Variants in IL10RB observed in about 807,000 individuals in gnomAD.
IL10RB encodes interleukin-10 receptor subunit beta.
Under a neutral mutation model 38.7 loss-of-function variants are expected in IL10RB, and 30 were observed. That is an observed-to-expected ratio of 0.78 (90% CI 0.58 to 1.05). The LOEUF (loss-of-function observed/expected upper bound fraction) is 1.05, where lower values mean the gene tolerates loss of function less well. Among genes scored for constraint, IL10RB ranks in the 50% least tolerant of loss-of-function variants. IL10RB has a pLI of 0.00. For synonymous variants in IL10RB, 142 were observed against 145.9 expected, an observed-to-expected ratio of 0.97 and a Z score of 0.19; for missense variants, 328 against 397.1, an observed-to-expected ratio of 0.83 and a Z score of 1.48.
At chr21:33,270,005 T>C (rs190015888) in intron 2 of IL10RB, among the ~76,000 whole-genome samples, 1 of 152,286 alleles carries the variant, frequency 6.6e-6, no homozygotes, top group East Asian at 1.9e-4. Flanking sequence ...CCTTCCTCTC[T>C]CTCTCTCATG....
chr21:33,272,741 G>A (rs987943522), intron 2 of IL10RB, among the ~76,000 whole-genome samples: 5 of 152,150 alleles, frequency 3.3e-5, no homozygotes, highest in African/African-American at 4.8e-5. Context: ...CCACTGAGCC[G>A]GGCCAGCTCC....
Position 33,288,166 on chromosome 21 carries a change from G to C in IL10RB, c.709G>C (p.Ala237Pro). The change falls in exon 6 of 7, where the codon GCA (alanine) becomes CCA (proline). Residue 237 changes from alanine (A) to proline (P), a missense_variant. Physicochemically the swap from Ala to Pro is conservative, Grantham distance 27. Coordinates refer to ENST00000290200, the MANE Select transcript of IL10RB (RefSeq NM_000628.5). Reference protein sequence around the residue: ...LMASVFMVCLALLGCFALLWC... With the variant: ...LMASVFMVCLPLLGCFALLWC... ...GGCCTCGGTCTTCATGGTCTGCCTG[G>C]CACTCCTCGGCTGCTTCGCCTTGCT... The C allele has an allele frequency of 6.2e-7, 1 of 1,614,062 alleles. No homozygotes were observed. The highest frequency in any genetic ancestry group is 8.5e-7 in the Non-Finnish European group (1 of 1,179,956).
chr21:33,292,599 G>A (rs8178549), intron 6 of IL10RB, among the ~76,000 whole-genome samples: 3,115 of 152,196 alleles, frequency 0.02, 120 homozygotes, highest in African/African-American at 0.072. Flanking sequence ...CGCGTCCCTC[G>A]TCAGAAGCTC....
At chr21:33,267,157 C>T (rs957928228) in intron 1 of IL10RB, among the ~76,000 whole-genome samples, 10 of 152,168 alleles carry the variant, frequency 6.6e-5, no homozygotes, top group Admixed American at 6.5e-5. Context: ...TCACCTCCTT[C>T]CTTTCTCATG....
chr21:33,300,669 T>C (rs552587085), downstream of IL10RB, among the ~76,000 whole-genome samples: 1 of 152,306 alleles, frequency 6.6e-6, no homozygotes, highest in South Asian at 2.1e-4. Context: ...TGTAGAAATC[T>C]TTAGGAGGTG....
intron 1 of IL10RB, among the ~76,000 whole-genome samples, chr21:33,304,519 GTTCT>G (rs2082993954): frequency 6.6e-6 from 1 of 152,150 alleles, no homozygotes; most frequent in African/African-American, 2.4e-5. Context: ...TTTTCTTCTG[GTTCT>G]TTCTTCAGCA....
In IL10RB at chr21:33,288,218, ACG is replaced by A; in HGVS notation, c.763_764del (p.Ala255LeufsTer4). ...TGGTGCGTTTACAAGAAGACAAAGT[ACG>A]CCTTCTCCCCTAGGAATTCTCTTCC... On this transcript the variant is annotated frameshift_variant, in exon 6 of 7. Coordinates refer to ENST00000290200, the MANE Select transcript of IL10RB (RefSeq NM_000628.5). LOFTEE classifies it high-confidence loss of function. The A allele has an allele frequency of 6.2e-7, 1 of 1,613,994 alleles. No individual in the cohort carries two copies. The highest frequency in any genetic ancestry group is 8.5e-7 in the Non-Finnish European group (1 of 1,179,912).
intron 2 of IL10RB, among the ~76,000 whole-genome samples, chr21:33,271,325 GT>G (rs1466797173): frequency 6.6e-6 from 1 of 152,144 alleles, no homozygotes; most frequent in Non-Finnish European, 1.5e-5. Flanking sequence ...TTCAGAGGAT[GT>G]ACTGGTGATT....
intron 2 of IL10RB, among the ~76,000 whole-genome samples, chr21:33,275,150 T>C (rs907375593): frequency 6.9e-6 from 1 of 144,380 alleles, no homozygotes; most frequent in African/African-American, 2.6e-5. Context: ...CTTCCAACTT[T>C]TCTTTTTTTT....
Position 33,279,784 on chromosome 21 carries a change from G to A in IL10RB, c.364G>A (p.Val122Ile). ...TGGACCCCCTGGAATGCAAGTAGAA[G>A]TACTTGCTGATTCTTTACATATGCG... ...IIGPPGMQVEVLADSLHMRFL... is the reference protein window; with the variant it reads ...IIGPPGMQVEILADSLHMRFL... The change falls in exon 4 of 7, where the codon GTA becomes ATA. Residue 122 changes from valine to isoleucine, a missense_variant. Val to Ile is a conservative substitution (Grantham distance 29, BLOSUM62 3). Transcript: ENST00000290200. 6.2e-7 allele frequency: 1 copy of A among 1,613,310 alleles called. No homozygotes were observed. The highest frequency in any genetic ancestry group is 8.5e-7 in the Non-Finnish European group (1 of 1,179,238).
At chr21:33,299,192 C>T (rs1216277968), downstream of IL10RB, among the ~76,000 whole-genome samples, 1 of 152,166 alleles carries the variant, frequency 6.6e-6, no homozygotes, top group Non-Finnish European at 1.5e-5. Context: ...CTGTTAAACC[C>T]AGTTTTTGTG....
chr21:33,283,042 G>C, intron 4 of IL10RB, 52 bp from the exon 5 acceptor site: 1 of 1,413,210 alleles, frequency 7.1e-7, no homozygotes, highest in Non-Finnish European at 1.0e-6. Flanking sequence ...AAAAAAAAAG[G>C]TGGTGCCCTT....
In IL10RB at chr21:33,268,332, CT is replaced by C. The variant is rs770005004; in HGVS notation, c.50-57del. The stretch of plus-strand genomic sequence containing the variant: ...AGGAGAACCAAGTGCTGGATGTGGG[CT>C]TTTTCATGGGCATCTGTTTTGAGGA... On this transcript the variant is annotated intron_variant, in intron 1 of 6. Coordinates refer to ENST00000290200, the MANE Select transcript of IL10RB (RefSeq NM_000628.5). The C allele has an allele frequency of 4.3e-6, 7 of 1,611,150 alleles. No homozygotes were observed. In the African/African-American group the frequency reaches 8.0e-5, roughly 18 times the overall value.
chr21:33,289,384 C>T (rs569172953), intron 6 of IL10RB, among the ~76,000 whole-genome samples: 7 of 152,278 alleles, frequency 4.6e-5, no homozygotes, highest in Non-Finnish European at 8.8e-5. Context: ...CAGCCCCCAC[C>T]GCTGCTGCTG....
At chr21:33,290,140 AATT>A (rs1006762292) in intron 6 of IL10RB, among the ~76,000 whole-genome samples, 1 of 151,486 alleles carries the variant, frequency 6.6e-6, no homozygotes, top group African/African-American at 2.4e-5. Flanking sequence ...AAAATACAAA[AATT>A]AACCCGGCAT....
At position 33,266,380 on chromosome 21, in the gene IL10RB, C is replaced by A; in HGVS notation, c.-86C>A. On this transcript the variant is annotated 5_prime_UTR_variant, in exon 1 of 7. Coordinates refer to ENST00000290200, the MANE Select transcript of IL10RB (RefSeq NM_000628.5). ...CCCGCCCCGCCCATCTCCGCTGGTTCCCGGAAGCCGCCGCGGACAAGCTCT... is the reference window on the plus strand; with the variant it reads ...CCCGCCCCGCCCATCTCCGCTGGTTACCGGAAGCCGCCGCGGACAAGCTCT... 2 of 1,469,946 alleles carry A rather than the reference C, an allele frequency of 1.4e-6. No individual in the cohort carries two copies. The highest frequency in any genetic ancestry group is 1.8e-6 in the Non-Finnish European group (2 of 1,091,772). The allele number at this position is 1,469,946 out of a possible 1,614,324, so 91.1% of individuals were successfully genotyped here.
intron 3 of IL10RB, among the ~76,000 whole-genome samples, chr21:33,278,367 TA>T (rs1339799945): frequency 6.6e-6 from 1 of 152,168 alleles, no homozygotes; most frequent in Non-Finnish European, 1.5e-5. Flanking sequence ...CAAGCCTGGG[TA>T]AAAACGTCTT....
rs1988939369 is a variant in IL10RB, at chr21:33,266,373, G to A, written c.-93G>A. 7.0e-7 allele frequency: 1 copy of A among 1,433,748 alleles called. No individual in the cohort carries two copies. 88.8% of individuals were successfully genotyped at this position (1,433,748 alleles called of 1,614,324 possible). ...TCCCCACCCCGCCCCGCCCATCTCC[G>A]CTGGTTCCCGGAAGCCGCCGCGGAC... is the stretch of plus-strand genomic sequence containing the variant. On this transcript the variant is annotated 5_prime_UTR_variant, in exon 1 of 7. Transcript: ENST00000290200.
chr21:33,290,436 C>T (rs1200398978), intron 6 of IL10RB, among the ~76,000 whole-genome samples: 2 of 152,078 alleles, frequency 1.3e-5, no homozygotes, highest in Admixed American at 6.5e-5. Flanking sequence ...AGTGGTAGGC[C>T]GGATCTGCCC....
Sources: gnomAD v4.1 joint callset for allele counts (sites outside exome capture counted in the v4.1 genomes callset) on GRCh38, gnomAD v4.1.1 for gene constraint, MANE v1.5 for transcripts, NCBI Gene and HGNC (gene_info 2026-07-23, HGNC 2026-07-21) for gene names.